Variants in SSBP2 observed in about 807,000 individuals in gnomAD.
SSBP2 encodes the protein single stranded DNA binding protein 2.
SSBP2 carries 17 observed loss-of-function variants against 61.8 expected under a neutral mutation model. The ratio of observed to expected loss-of-function variants is 0.28; its 90% confidence interval spans 0.19 to 0.41. SSBP2 has a LOEUF of 0.41. SSBP2 is among the 10% of genes least tolerant of loss of function. SSBP2 has a pLI of 1.00. For synonymous variants in SSBP2, 139 were observed against 141.3 expected (o/e 0.98, Z 0.12); for missense variants, 310 against 458.7 (o/e 0.68, Z 2.96).
At chr5:81,500,189 G>C (rs146074584) in intron 5 of SSBP2, among the ~76,000 whole-genome samples, 33 of 152,182 alleles carry the variant, frequency 2.2e-4, no homozygotes, top group African/African-American at 7.9e-4. Flanking sequence ...AGATGGTATT[G>C]AACTAGGTAA....
intron 1 of SSBP2, among the ~76,000 whole-genome samples, chr5:81,651,128 C>G (rs1424130781): frequency 1.3e-5 from 2 of 152,046 alleles, no homozygotes; most frequent in Non-Finnish European, 2.9e-5. Flanking sequence ...TTCATAAACC[C>G]AAATTAGTCT....
chr5:81,669,637 C>A (rs1025855292), intron 1 of SSBP2, among the ~76,000 whole-genome samples: 10 of 152,034 alleles, frequency 6.6e-5, no homozygotes, highest in Admixed American at 3.9e-4. Flanking sequence ...GAACATCACA[C>A]ACCACGGCCT....
rs1460767578 is a variant in SSBP2 at position 81,487,028 on chromosome 5, C to T, written c.432+2222G>A. Among the ~76,000 whole-genome samples the T allele has an allele frequency of 3.9e-5, 6 of 152,188 alleles. No individual in the cohort carries two copies. In the South Asian group the frequency reaches 6.2e-4, roughly 16 times the overall value. ...GAGAGGAGAAGCAGAATTCTGCTGCCGTCAAGTAAATTAGTAATTTTAACT... is the reference window on the plus strand; with the variant it reads ...GAGAGGAGAAGCAGAATTCTGCTGCTGTCAAGTAAATTAGTAATTTTAACT... On this transcript the variant is annotated intron_variant, in intron 6 of 16. Coordinates refer to ENST00000320672, the MANE Select transcript of SSBP2 (RefSeq NM_012446.5).
chr5:81,573,528 A>G (rs991139097), intron 4 of SSBP2, among the ~76,000 whole-genome samples: 1 of 152,250 alleles, frequency 6.6e-6, no homozygotes, highest in South Asian at 2.1e-4. Flanking sequence ...GTATGAAAAG[A>G]GGCATAGATA....
rs80328476 is a variant in SSBP2 at position 81,560,042 on chromosome 5, A to G, written c.283-46325T>C. ...TTCTCACAATCAAAAACTGAAAAAT[A>G]TGATTGCTTCCCCAGAAAAATAAAC... On this transcript the variant is annotated intron_variant, in intron 4 of 16. Transcript: ENST00000320672. Among the ~76,000 whole-genome samples the G allele has an allele frequency of 8.8e-3, 1,345 of 152,342 alleles. 29 individuals carry two copies. The highest frequency in any genetic ancestry group is 0.031 in the African/African-American group (1,282 of 41,586).
At chr5:81,587,492 G>A (rs566235025) in intron 4 of SSBP2, among the ~76,000 whole-genome samples, 5 of 152,178 alleles carry the variant, frequency 3.3e-5, no homozygotes, top group Non-Finnish European at 5.9e-5. Flanking sequence ...AAAACTTTGG[G>A]AGGCCAAGGC....
At chr5:81,462,200 A>G (rs1764589898) in intron 9 of SSBP2, among the ~76,000 whole-genome samples, 1 of 152,188 alleles carries the variant, frequency 6.6e-6, no homozygotes, top group South Asian at 2.1e-4. Flanking sequence ...ATAAAATCTC[A>G]TAATGTTTTA....
intron 4 of SSBP2, among the ~76,000 whole-genome samples, chr5:81,606,760 G>A (rs1449156609): frequency 6.6e-6 from 1 of 152,166 alleles, no homozygotes; most frequent in Non-Finnish European, 1.5e-5. Context: ...AAAAAGAAAG[G>A]CGTAGGCCTG....
intron 1 of SSBP2, among the ~76,000 whole-genome samples, chr5:81,677,779 G>A (rs1168559838): frequency 2.6e-5 from 4 of 151,316 alleles, no homozygotes; most frequent in Non-Finnish European, 4.4e-5. Flanking sequence ...CTGAGGAAAA[G>A]GACATACCAA....
chr5:81,695,433 T>G (rs1253153629), intron 1 of SSBP2, among the ~76,000 whole-genome samples: 1 of 152,046 alleles, frequency 6.6e-6, no homozygotes, highest in Non-Finnish European at 1.5e-5. Flanking sequence ...ATGTGCCATG[T>G]TGGTGTGCTG....
At chr5:81,554,304 G>T (rs960274482) in intron 4 of SSBP2, among the ~76,000 whole-genome samples, 1 of 151,770 alleles carries the variant, frequency 6.6e-6, no homozygotes, top group Non-Finnish European at 1.5e-5. Flanking sequence ...TAATTAACAT[G>T]AAATTTCTTG....
chr5:81,644,356 T>C (rs1194884857), intron 2 of SSBP2, among the ~76,000 whole-genome samples: 1 of 152,214 alleles, frequency 6.6e-6, no homozygotes, highest in Non-Finnish European at 1.5e-5. Flanking sequence ...AACAAATACT[T>C]GACTTTCTAT....
chr5:81,720,853 C>A (rs1755499723), intron 1 of SSBP2, among the ~76,000 whole-genome samples: 2 of 152,204 alleles, frequency 1.3e-5, no homozygotes, highest in Admixed American at 1.3e-4. Context: ...TGAACTGTTA[C>A]ACACATTTTC....
chr5:81,512,611 A>G (rs1231695955), intron 5 of SSBP2, among the ~76,000 whole-genome samples: 1 of 152,130 alleles, frequency 6.6e-6, no homozygotes, highest in Non-Finnish European at 1.5e-5. Context: ...AGCATGTCCT[A>G]AAGGACTAGA....
intron 10 of SSBP2, 93 bp downstream of exon 10, chr5:81,460,962 A>T: frequency 1.4e-6 from 1 of 698,426 alleles, no homozygotes; most frequent in Non-Finnish European, 2.1e-6. Context: ...TACTACAACC[A>T]ATTGCAAAGC....
At chr5:81,626,406 G>A (rs192738272) in intron 3 of SSBP2, among the ~76,000 whole-genome samples, 2 of 152,306 alleles carry the variant, frequency 1.3e-5, no homozygotes, top group Admixed American at 1.3e-4. Context: ...GGTTAAATTA[G>A]ATTAAATAAT....
chr5:81,602,136 C>G (rs931741115), intron 4 of SSBP2, among the ~76,000 whole-genome samples: 1 of 152,002 alleles, frequency 6.6e-6, no homozygotes, highest in Non-Finnish European at 1.5e-5. Context: ...GTCATGCTTC[C>G]TTTTCCATAA....
At chr5:81,571,361 A>C (rs1215685801) in intron 4 of SSBP2, among the ~76,000 whole-genome samples, 1 of 152,092 alleles carries the variant, frequency 6.6e-6, no homozygotes, top group African/African-American at 2.4e-5. Context: ...CAGTGGGCAA[A>C]AATGCATTTT....
At chr5:81,489,124 G>A in intron 6 of SSBP2, 126 bp downstream of exon 6, 1 of 852,252 alleles carries the variant, frequency 1.2e-6, no homozygotes, top group Non-Finnish European at 1.8e-6. Context: ...CCTTGAAGCA[G>A]ACTAGAAATA....
Sources: allele counts gnomAD v4.1 joint callset (sites outside exome capture counted in the v4.1 genomes callset), GRCh38; gene constraint gnomAD v4.1.1; transcripts MANE v1.5; gene names NCBI Gene and HGNC (gene_info 2026-07-23, HGNC 2026-07-21).